The following UBXN6 variants were observed in gnomAD, a reference collection of about 807,000 sequenced individuals.
UBXN6 encodes the protein UBX domain protein 6, also known as UBX domain-containing protein 6.
In UBXN6, 44 loss-of-function variants were observed where a neutral mutation model predicts 51.4. That is an observed-to-expected ratio of 0.86 (90% confidence interval 0.67 to 1.10). The LOEUF is 1.10. Ranked by LOEUF, UBXN6 falls within the 50% of genes least tolerant of loss-of-function variation. UBXN6 has a pLI of 0.00. For missense variants in UBXN6, 672 were observed against 596.1 expected (o/e 1.13, Z -1.32); for synonymous variants, 316 against 263.2 (o/e 1.20, Z -1.94).
chr19:4,447,686 G>A (rs1345680463), intron 5 of UBXN6, 61 bp from the exon 6 acceptor site: 1 of 1,549,614 alleles, frequency 6.5e-7, no homozygotes, highest in African/African-American at 1.4e-5. Context: ...GCCCCTCTGT[G>A]CCTCCTGCTC....
At chr19:4,454,223 C>A in intron 1 of UBXN6, 130 bp from the exon 2 acceptor site, 3 of 1,073,066 alleles carry the variant, frequency 2.8e-6, no homozygotes, top group Non-Finnish European at 3.9e-6. Flanking sequence ...CTATGTGGGC[C>A]AGGACACCTG....
intron 6 of UBXN6, 118 bp from the exon 7 acceptor site, chr19:4,447,038 G>A: frequency 9.7e-7 from 1 of 1,031,868 alleles, no homozygotes; most frequent in Non-Finnish European, 1.4e-6. Context: ...CCCCTGGATG[G>A]GGCCCAGCCC....
At chr19:4,448,125 G>C in intron 5 of UBXN6, 193 bp downstream of exon 5, 1 of 607,882 alleles carries the variant, frequency 1.6e-6, no homozygotes, top group Non-Finnish European at 2.9e-6. Flanking sequence ...TTTGCACACG[G>C]GTAAACTGAG....
chr19:4,447,477 G>A, intron 6 of UBXN6, 73 bp downstream of exon 6: 1 of 1,554,130 alleles, frequency 6.4e-7, no homozygotes, highest in Non-Finnish European at 8.9e-7. Flanking sequence ...CCTGGTGTGG[G>A]CCACCACCGG....
chr19:4,448,275 T>G, intron 5 of UBXN6, 43 bp downstream of exon 5: 5 of 1,531,942 alleles, frequency 3.3e-6, no homozygotes, highest in South Asian at 1.2e-5. Flanking sequence ...GGTGCTGGGA[T>G]GAGCTGGAGG....
rs764525926 is a variant in UBXN6 at position 4,453,487 on chromosome 19, C to T, written c.283G>A (p.Gly95Arg). 56 of 1,613,768 alleles carry T rather than the reference C, an allele frequency of 3.5e-5. No homozygotes were observed. The highest frequency in any genetic ancestry group is 2.2e-4 in the Admixed American group (13 of 59,984). Reference sequence around the variant, plus strand: ...TTGGTCCCTGGGGCCTCGGGGCTCCCGCTGACGGTGGCTTCGGCTTGAAGT... The same window carrying T: ...TTGGTCCCTGGGGCCTCGGGGCTCCTGCTGACGGTGGCTTCGGCTTGAAGT... ...KELQAEATVS[G>R]SPEAPGTNVV... Residue 95 changes from glycine (G) to arginine (R), a missense_variant, in exon 3 of 11, where the codon GGG becomes AGG. Transcript: ENST00000301281.
intron 1 of UBXN6, among the ~76,000 whole-genome samples, 185 bp downstream of exon 1, chr19:4,457,430 T>C (rs1599683664): frequency 1.2e-5 from 1 of 83,308 alleles, no homozygotes; most frequent in African/African-American, 4.8e-5. Flanking sequence ...CTCTCTCCCC[T>C]CCCCCTGACG....
Position 4,448,348 on chromosome 19 carries a change from C to T in UBXN6, c.509G>A (p.Arg170Gln), listed in dbSNP as rs781312851. Residue 170 changes from arginine to glutamine, a missense_variant, in exon 5 of 11, where the codon CGG becomes CAG. Coordinates refer to ENST00000301281, the MANE Select transcript of UBXN6 (RefSeq NM_025241.3). ...AATGGTGTCCACACCCAGCTTCACC[C>T]GGTCCTGGTCTTTGTTGAACGTGTA... ...KIYTFNKDQD[R>Q]VKLGVDTIAK... The T allele has an allele frequency of 3.9e-5, 63 of 1,609,792 alleles. No homozygotes were observed. The highest frequency in any genetic ancestry group is 1.6e-4 in the East Asian group (7 of 44,706).
At chr19:4,455,396 T>C (rs1158624296) in intron 1 of UBXN6, 5 of 714,726 alleles carry the variant, frequency 7.0e-6, no homozygotes, top group African/African-American at 5.8e-5. Context: ...GAAGAGGAGA[T>C]GACTCATGAA....
At chr19:4,451,967 G>T (rs896836405) in intron 4 of UBXN6, among the ~76,000 whole-genome samples, 1 of 151,770 alleles carries the variant, frequency 6.6e-6, no homozygotes, top group African/African-American at 2.4e-5. Flanking sequence ...TGGCCAACAT[G>T]GTGAAACCCC....
chr19:4,445,603 G>A lies in UBXN6; in HGVS notation c.1221C>T (p.Thr407=). 6.2e-7 allele frequency: 1 copy of A among 1,613,560 alleles called. No individual in the cohort carries two copies. Among genetic ancestry groups the A allele is most frequent in the Non-Finnish European group, 8.5e-7 (1 of 1,179,954 alleles). Residue 407 remains threonine (T), a synonymous_variant, in exon 11 of 11, where the codon ACC becomes ACT. Transcript: ENST00000301281. ...CCAGCACAGCCATGTCCCACGAGAAGGTCAGGAGGGCAGAGGGCACCTGCG... is the reference window on the plus strand; with the variant it reads ...CCAGCACAGCCATGTCCCACGAGAAAGTCAGGAGGGCAGAGGGCACCTGCG... ...ECGLVPSALL[T]FSWDMAVLED...
rs534975080 is a variant in UBXN6, at chr19:4,446,860, C to T, written c.676G>A (p.Val226Met). 21 of 1,614,088 alleles carry T rather than the reference C, an allele frequency of 1.3e-5. No homozygotes were observed. The highest frequency in any genetic ancestry group is 1.6e-4 in the Middle Eastern group (1 of 6,062). ...EFFEAIGFQK[V>M]LLPAQDQEDP... The stretch of plus-strand genomic sequence containing the variant: ...CCCTGATCCTGGGCGGGAAGCAACA[C>T]CTTCTGGAACCCAATGGCCTCAAAA... Residue 226 changes from valine to methionine, a missense_variant, in exon 7 of 11, where the codon GTG (valine) becomes ATG (methionine). Transcript: ENST00000301281.
At chr19:4,447,841 C>T (rs765627908) in intron 5 of UBXN6, 40 of 578,516 alleles carry the variant, frequency 6.9e-5, no homozygotes, top group Non-Finnish European at 1.2e-4. Context: ...AGGAGCCCCA[C>T]GGAACCCCTC....
chr19:4,448,579 C>T (rs945800343), intron 4 of UBXN6, 164 bp from the exon 5 acceptor site: 1 of 637,830 alleles, frequency 1.6e-6, no homozygotes. Context: ...TCCAAGACCG[C>T]AGCCCTGCCC....
At chr19:4,453,629 G>T in intron 2 of UBXN6, 107 bp from the exon 3 acceptor site, 1 of 1,331,130 alleles carries the variant, frequency 7.5e-7, no homozygotes, top group Non-Finnish European at 1.0e-6. Context: ...CACGCACACC[G>T]CCCCAGCCTG....
At chr19:4,454,133 G>GGT in intron 1 of UBXN6, 40 bp from the exon 2 acceptor site, 1 of 1,488,256 alleles carries the variant, frequency 6.7e-7, no homozygotes, top group Non-Finnish European at 8.9e-7. Context: ...ATCCTCCCGA[G>GGT]GTGGCCGGCA....
At chr19:4,448,755 G>T (rs939746324) in intron 4 of UBXN6, 1 of 290,184 alleles carries the variant, frequency 3.4e-6, no homozygotes, top group Non-Finnish European at 6.7e-6. Flanking sequence ...ATCCATCAAG[G>T]CCACCGCCAC....
upstream of UBXN6, chr19:4,457,794 TTAAAAAAAAAAAAAAAA>T: frequency 1.2e-5 from 2 of 160,826 alleles, no homozygotes; most frequent in Non-Finnish European, 2.2e-5. Flanking sequence ...CGGAAGAAAA[TTAAAAAAAAAAAAAAAA>T]AAAAAAAAAA....
At chr19:4,453,901 A>G in intron 2 of UBXN6, 29 bp downstream of exon 2, 3 of 1,601,504 alleles carry the variant, frequency 1.9e-6, no homozygotes, top group Non-Finnish European at 2.5e-6. Context: ...AACAGCCCCA[A>G]CCTGGGCCCG....
Sources: allele counts gnomAD v4.1 joint callset (sites outside exome capture counted in the v4.1 genomes callset), GRCh38; gene constraint gnomAD v4.1.1; transcripts MANE v1.5; gene names NCBI Gene and HGNC (gene_info 2026-07-23, HGNC 2026-07-21).